EPHB3: variants seen among roughly 807,000 people sequenced by gnomAD.
EPHB3 encodes the protein EPH receptor B3.
Under a neutral mutation model 100.2 loss-of-function variants are expected in EPHB3, and 33 were observed. That is an observed-to-expected ratio of 0.33 (90% CI 0.25 to 0.44). The LOEUF (loss-of-function observed/expected upper bound fraction) is 0.44, where lower values mean the gene tolerates loss of function less well. Ranked by LOEUF, EPHB3 falls within the 20% of genes least tolerant of loss-of-function variation. EPHB3 has a pLI of 1.00. For synonymous variants in EPHB3, 526 were observed against 554.7 expected (o/e 0.95, Z 0.73); for missense variants, 1,045 against 1,378.3 (o/e 0.76, Z 3.83).
Position 184,571,474 on chromosome 3 carries a change from G to A in EPHB3, c.183+92G>A. On this transcript the variant is annotated intron_variant, in intron 2 of 15. Coordinates refer to ENST00000330394, the MANE Select transcript of EPHB3 (RefSeq NM_004443.4). This position sits in a 1 kb window ranked among gnomAD's most constrained non-coding sequence, Gnocchi z 5.0. ...GTGCCCCCTCATCTCACCAGGGCCT[G>A]GAGGAGGGCTGCCTCTGCCCTCTGC... is the stretch of plus-strand genomic sequence containing the variant. The A allele has an allele frequency of 7.2e-7, 1 of 1,392,148 alleles. No individual in the cohort carries two copies. The highest frequency in any genetic ancestry group is 1.0e-6 in the Non-Finnish European group (1 of 989,086). The allele number at this position is 1,392,148 out of a possible 1,614,324, so 86.2% of individuals were successfully genotyped here.
intron 4 of EPHB3, among the ~76,000 whole-genome samples, chr3:184,576,290 TAGG>T (rs1432011720): frequency 6.6e-6 from 1 of 152,102 alleles, no homozygotes; most frequent in Non-Finnish European, 1.5e-5. Context: ...AGGAACTGGC[TAGG>T]AGCTTAGCAG....
At position 184,575,769 on chromosome 3, in the gene EPHB3, C is replaced by A. The variant is rs537136031; in HGVS notation, c.857-61C>A. ...GAGAAGCCAGGTTCTCATGGAGCTG[C>A]GGAGGTCTGGTGTCTGCAGGGAAGG... On this transcript the variant is annotated intron_variant, in intron 3 of 15. Coordinates refer to ENST00000330394, the MANE Select transcript of EPHB3 (RefSeq NM_004443.4). 55 of 1,509,232 alleles carry A rather than the reference C, an allele frequency of 3.6e-5. No homozygotes were observed. The South Asian group carries it at 6.9e-4, about 19-fold the overall frequency. 93.5% of individuals were successfully genotyped at this position (1,509,232 alleles called of 1,614,324 possible). A position where few individuals can be genotyped will look rare whatever the true frequency, so the allele number is the denominator to read the frequency against.
In EPHB3 at chr3:184,571,248, T is replaced by C; in HGVS notation, c.119-70T>C. 1 of 1,541,966 alleles carries C rather than the reference T, an allele frequency of 6.5e-7. No individual in the cohort carries two copies. The highest frequency in any genetic ancestry group is 1.1e-5 in the South Asian group (1 of 89,334). On this transcript the variant is annotated intron_variant, in intron 1 of 15. Transcript: ENST00000330394. The surrounding 1 kb of genome is among the most constrained non-coding windows in gnomAD (Gnocchi z 5.0). ...GGATTACAGGTGTGAGCCACTTCGC[T>C]CATCTGTGATCTCTTCTGTCTCCTC... is the stretch of plus-strand genomic sequence containing the variant.
In EPHB3 at chr3:184,566,894, C is replaced by A. The variant is rs375232692; in HGVS notation, c.119-4424C>A. ...TGTTGTTTGTTTGTTTTCTGGGTCT[C>A]AATGACACTTTTGCTCCCAGGGTGC... On this transcript the variant is annotated intron_variant, in intron 1 of 15. Coordinates refer to ENST00000330394, the MANE Select transcript of EPHB3 (RefSeq NM_004443.4). Among the ~76,000 whole-genome samples the A allele has an allele frequency of 5.3e-5, 8 of 152,288 alleles. 1 individual carries two copies. The highest frequency in any genetic ancestry group is 4.1e-4 in the South Asian group (2 of 4,824).
intron 4 of EPHB3, 61 bp from the exon 5 acceptor site, chr3:184,576,781 G>A (rs950911007): frequency 1.6e-5 from 23 of 1,478,160 alleles, no homozygotes; most frequent in Middle Eastern, 1.8e-4. Flanking sequence ...CTGGAACTCC[G>A]GGCAGAGGGA....
In EPHB3 at chr3:184,580,050, T is replaced by C. The variant is rs1714781736; in HGVS notation, c.2172+116T>C. ...GTCCATAAGCATTTACTGAGGTGGC[T>C]TGGTGCAGGGAAATGGCAGGGCCTT... On this transcript the variant is annotated intron_variant, in intron 11 of 15. Transcript: ENST00000330394. 2.7e-6 allele frequency: 4 copies of C among 1,476,432 alleles called. No homozygotes were observed. The East Asian group carries it at 6.8e-5, about 25-fold the overall frequency. 91.5% of individuals were successfully genotyped at this position (1,476,432 alleles called of 1,614,324 possible). A position where few individuals can be genotyped will look rare whatever the true frequency, so the allele number is the denominator to read the frequency against.
chr3:184,567,262 C>T (rs1348068422), intron 1 of EPHB3, among the ~76,000 whole-genome samples: 1 of 152,212 alleles, frequency 6.6e-6, no homozygotes, highest in Non-Finnish European at 1.5e-5. Context: ...CCTGCCCAAG[C>T]CAGGACAACA....
intron 1 of EPHB3, among the ~76,000 whole-genome samples, chr3:184,566,023 A>T (rs1714375639): frequency 6.6e-6 from 1 of 152,044 alleles, no homozygotes; most frequent in South Asian, 2.1e-4. Context: ...GGGATTGGGC[A>T]GCTGGGGGGG....
At chr3:184,580,320 G>A in intron 11 of EPHB3, 82 bp from the exon 12 acceptor site, 2 of 1,562,180 alleles carry the variant, frequency 1.3e-6, no homozygotes, top group Non-Finnish European at 1.8e-6. Context: ...TAGAGTCTGA[G>A]TACTCGGAGA....
chr3:184,570,926 A>G (rs554377154), intron 1 of EPHB3, among the ~76,000 whole-genome samples: 127 of 150,358 alleles, frequency 8.4e-4, no homozygotes, highest in African/African-American at 2.9e-3. Flanking sequence ...CCTGGGGGGA[A>G]TCCTTTCCTG....
At chr3:184,580,361 T>G in intron 11 of EPHB3, 41 bp from the exon 12 acceptor site, 1 of 1,612,942 alleles carries the variant, frequency 6.2e-7, no homozygotes, top group Non-Finnish European at 8.5e-7. Flanking sequence ...CATGGGCTGA[T>G]GGGAGCAATG....
In EPHB3 at chr3:184,571,303, C is replaced by G. The variant is rs754241721; in HGVS notation, c.119-15C>G. 9 of 1,613,860 alleles carry G rather than the reference C, an allele frequency of 5.6e-6. 1 individual carries two copies. The South Asian group carries it at 9.9e-5, about 18-fold the overall frequency. On this transcript the variant is annotated splice_polypyrimidine_tract_variant and intron_variant, in intron 1 of 15. Coordinates refer to ENST00000330394, the MANE Select transcript of EPHB3 (RefSeq NM_004443.4). The surrounding 1 kb of genome is among the most constrained non-coding windows in gnomAD (Gnocchi z 5.0). ...TGAGATTAGTCCCTGACCTTTTTCT[C>G]CGTTGTTCCTCCAGAGACCCTCATG...
chr3:184,577,191 G>A lies in EPHB3; in HGVS notation c.1354+8G>A, dbSNP rs1714697993. ...TCACCACAAACCAGGCTGGTGAGGA[G>A]GGGACACTGGAGGGTAGGGCCTGGG... On this transcript the variant is annotated splice_region_variant and intron_variant, in intron 5 of 15. Transcript: ENST00000330394. This position sits in a 1 kb window ranked among gnomAD's most constrained non-coding sequence, Gnocchi z 4.9. 1 of 1,587,862 alleles carries A rather than the reference G, an allele frequency of 6.3e-7. No homozygotes were observed. Among genetic ancestry groups the A allele is most frequent in the Admixed American group, 1.7e-5 (1 of 58,642 alleles).
chr3:184,579,120 A>G lies in EPHB3; in HGVS notation c.1802-357A>G, dbSNP rs909992321. Among the ~76,000 whole-genome samples the G allele has an allele frequency of 1.1e-4, 17 of 152,176 alleles. No homozygotes were observed. Among genetic ancestry groups the G allele is most frequent in the Admixed American group, 2.6e-4 (4 of 15,274 alleles). ...AATGAAAGGATTGTTTTAGGAAGAC[A>G]GCGGTATGCAGGATAGCTCGGTGGG... is the stretch of plus-strand genomic sequence containing the variant. On this transcript the variant is annotated intron_variant, in intron 9 of 15. Coordinates refer to ENST00000330394, the MANE Select transcript of EPHB3 (RefSeq NM_004443.4). The surrounding 1 kb of genome is among the most constrained non-coding windows in gnomAD (Gnocchi z 5.2).
rs574038132 is a variant in EPHB3 at position 184,576,440 on chromosome 3, G to A, written c.1013-402G>A. ...TCTCTGCCCTGGCCTTCGGTGTGCC[G>A]GGCATTGTGCTGGGTATCGAGGGTG... On this transcript the variant is annotated intron_variant, in intron 4 of 15. Transcript: ENST00000330394. 1.7e-4 allele frequency among the ~76,000 whole-genome samples: 26 copies of A among 152,334 alleles called. No individual in the cohort carries two copies. The East Asian group carries it at 3.3e-3, about 19-fold the overall frequency.
In EPHB3 at chr3:184,562,446, C is replaced by T. The variant is rs1275482541; in HGVS notation, c.118+93C>T. On this transcript the variant is annotated intron_variant, in intron 1 of 15. Transcript: ENST00000330394. The surrounding 1 kb of genome is among the most constrained non-coding windows in gnomAD (Gnocchi z 4.8). Reference sequence around the variant, plus strand: ...GTGGGTCCGACCCGGATTGAGCGCACGTCGGAGGAGGCCCCGCCACCGGCG... The same window carrying T: ...GTGGGTCCGACCCGGATTGAGCGCATGTCGGAGGAGGCCCCGCCACCGGCG... 15 of 1,121,206 alleles carry T rather than the reference C, an allele frequency of 1.3e-5. 1 individual carries two copies. The highest frequency in any genetic ancestry group is 3.8e-4 in the Middle Eastern group (1 of 2,616). 69.5% of individuals were successfully genotyped at this position (1,121,206 alleles called of 1,614,324 possible).
Position 184,576,934 on chromosome 3 carries a change from G to A in EPHB3, c.1105G>A (p.Asp369Asn), listed in dbSNP as rs746388630. The A allele has an allele frequency of 8.7e-6, 14 of 1,603,414 alleles. No individual in the cohort carries two copies. The highest frequency in any genetic ancestry group is 1.1e-5 in the Non-Finnish European group (13 of 1,172,084). Reference sequence around the variant, plus strand: ...TGAGCCCCGGGACCTGGGTGGCCGGGATGACCTCCTGTACAATGTCATCTG... The same window carrying A: ...TGAGCCCCGGGACCTGGGTGGCCGGAATGACCTCCTGTACAATGTCATCTG... Reference protein sequence around the residue: ...WSEPRDLGGRDDLLYNVICKK... With the variant: ...WSEPRDLGGRNDLLYNVICKK... The change falls in exon 5 of 16, where the codon GAT becomes AAT. Residue 369 changes from aspartate (D) to asparagine (N), a missense_variant. Coordinates refer to ENST00000330394, the MANE Select transcript of EPHB3 (RefSeq NM_004443.4).
rs1359914669 is a variant in EPHB3, at chr3:184,571,383, G to A, written c.183+1G>A. 6.2e-7 allele frequency: 1 copy of A among 1,613,932 alleles called. No individual in the cohort carries two copies. The highest frequency in any genetic ancestry group is 1.1e-5 in the South Asian group (1 of 91,078). ...GTGGACATCTCATCCAGAAAGTGGG[G>A]TGAGGCTTTCCCATCATTCTCCTGA... is the stretch of plus-strand genomic sequence containing the variant. On this transcript the variant is annotated splice_donor_variant, in intron 2 of 15. Coordinates refer to ENST00000330394, the MANE Select transcript of EPHB3 (RefSeq NM_004443.4). LOFTEE classifies it high-confidence loss of function. This position sits in a 1 kb window ranked among gnomAD's most constrained non-coding sequence, Gnocchi z 5.0.
chr3:184,575,779 G>C (rs371998922), intron 3 of EPHB3, 51 bp from the exon 4 acceptor site: 25 of 1,527,758 alleles, frequency 1.6e-5, no homozygotes, highest in Non-Finnish European at 2.1e-5. Flanking sequence ...CGGAGGTCTG[G>C]TGTCTGCAGG....
Sources: allele counts gnomAD v4.1 joint callset (sites outside exome capture counted in the v4.1 genomes callset), GRCh38; gene constraint gnomAD v4.1.1; non-coding constraint Gnocchi (gnomAD v3.1); transcripts MANE v1.5; gene names NCBI Gene and HGNC (gene_info 2026-07-23, HGNC 2026-07-21).